The following MAP1B variants were observed in gnomAD, a reference collection of about 807,000 sequenced individuals.
The protein encoded by MAP1B is microtubule-associated protein 1B.
In MAP1B, 12 loss-of-function variants were observed where a neutral mutation model predicts 176.1. The observed-to-expected ratio is 0.07, with a 90% confidence interval of 0.04 to 0.11. The LOEUF is 0.11. MAP1B is among the 10% of genes least tolerant of loss of function. MAP1B has a pLI of 1.00. For missense variants in MAP1B, 2,523 were observed against 2,990.5 expected, an observed-to-expected ratio of 0.84 and a Z score of 3.65; for synonymous variants, 1,044 against 1,135.0, an observed-to-expected ratio of 0.92 and a Z score of 1.61.
chr5:72,154,301 A>G (rs1746192198), intron 2 of MAP1B, among the ~76,000 whole-genome samples: 1 of 152,232 alleles, frequency 6.6e-6, no homozygotes, highest in African/African-American at 2.4e-5. Flanking sequence ...AATGCCACAC[A>G]GACTGAGTGA....
At chr5:72,172,057 A>G (rs962273364) in intron 2 of MAP1B, among the ~76,000 whole-genome samples, 1 of 152,222 alleles carries the variant, frequency 6.6e-6, no homozygotes, top group Non-Finnish European at 1.5e-5. Flanking sequence ...CAAATCCTGT[A>G]ATGATATGAC....
At chr5:72,171,981 G>T (rs546755242) in intron 2 of MAP1B, among the ~76,000 whole-genome samples, 42 of 152,252 alleles carry the variant, frequency 2.8e-4, no homozygotes, top group African/African-American at 9.9e-4. Flanking sequence ...TGCAGTGGAG[G>T]AATAAACACA....
intron 2 of MAP1B, among the ~76,000 whole-genome samples, chr5:72,163,091 G>A (rs1746356776): frequency 6.6e-6 from 1 of 152,038 alleles, no homozygotes; most frequent in African/African-American, 2.4e-5. Flanking sequence ...AGCTGGGCAT[G>A]GTGGTGCGTG....
chr5:72,203,443 G>A, intron 5 of MAP1B, 120 bp from the exon 6 acceptor site: 1 of 748,206 alleles, frequency 1.3e-6, no homozygotes, highest in East Asian at 2.5e-5. Context: ...CACTTTGCAT[G>A]TCTCAGAGGA....
intron 2 of MAP1B, among the ~76,000 whole-genome samples, chr5:72,124,921 T>G (rs1247661655): frequency 6.6e-6 from 1 of 152,216 alleles, no homozygotes; most frequent in Non-Finnish European, 1.5e-5. Context: ...TATCCATCAA[T>G]GGGAATGTCA....
intron 4 of MAP1B, among the ~76,000 whole-genome samples, chr5:72,191,539 T>C (rs1453598622): frequency 1.3e-5 from 2 of 152,244 alleles, no homozygotes; most frequent in African/African-American, 4.8e-5. Flanking sequence ...CTTCATTCTG[T>C]TGTGTAGTTC....
chr5:72,196,123 T>C lies in MAP1B; in HGVS notation c.2768T>C (p.Ile923Thr), dbSNP rs143194383. 2.4e-3 allele frequency: 3,950 copies of C among 1,613,502 alleles called. 10 individuals are homozygous for C. The highest frequency in any genetic ancestry group is 2.9e-3 in the Non-Finnish European group (3,420 of 1,179,878). ...GTCGAGAAGCAGGGAGTAGACGACA[T>C]TGAAAAATTTGAAGATGAAGGAGCC... is the stretch of plus-strand genomic sequence containing the variant. The part of the protein sequence containing the change: ...EPVEKQGVDD[I>T]EKFEDEGAGF... Residue 923 changes from isoleucine (I) to threonine (T), a missense_variant, in exon 5 of 7, where the codon ATT (isoleucine) becomes ACT (threonine). Physicochemically the swap from Ile to Thr is moderately conservative, Grantham distance 89. This residue lies in a region of MAP1B where 1,925 missense variants were observed against 2,126.0 expected (regional missense o/e 0.91). Coordinates refer to ENST00000296755, the MANE Select transcript of MAP1B (RefSeq NM_005909.5). The surrounding 1 kb of genome is among the most constrained non-coding windows in gnomAD (Gnocchi z 5.3).
At chr5:72,183,601 T>A (rs1333394591) in intron 2 of MAP1B, 142 bp from the exon 3 acceptor site, 1 of 626,834 alleles carries the variant, frequency 1.6e-6, no homozygotes, top group African/African-American at 1.8e-5. Context: ...CCAATTGTGT[T>A]TCCCAAGATG....
At chr5:72,179,817 C>T (rs1746729638) in intron 2 of MAP1B, 1 of 985,372 alleles carries the variant, frequency 1.0e-6, no homozygotes, top group South Asian at 4.7e-5. Flanking sequence ...TGTGCCATTC[C>T]TCTCAATATT....
chr5:72,145,928 G>A (rs900982455), intron 2 of MAP1B, among the ~76,000 whole-genome samples: 1 of 152,202 alleles, frequency 6.6e-6, no homozygotes, highest in African/African-American at 2.4e-5. Flanking sequence ...GAGGAGTGAA[G>A]TAAGACCCAG....
rs1243136669 is a variant in MAP1B, at chr5:72,195,777, G to A, written c.2422G>A (p.Val808Ile). The A allele has an allele frequency of 5.0e-6, 8 of 1,614,234 alleles. No individual in the cohort carries two copies. Among genetic ancestry groups the A allele is most frequent in the Non-Finnish European group, 5.9e-6 (7 of 1,180,026 alleles). The change falls in exon 5 of 7, where the codon GTC becomes ATC. Residue 808 changes from valine to isoleucine, a missense_variant. By Grantham distance (29) the Val-to-Ile change is conservative (BLOSUM62 3). Around this residue, in one of 4 missense-constraint regions of MAP1B, gnomAD observed 1,925 missense variants for 2,126.0 expected, o/e 0.91. Transcript: ENST00000296755. ...AVGTGATTAA[V>I]MAAAGIAAIG... ...CGGCACTGGAGCCACCACAGCAGCT[G>A]TCATGGCGGCAGCTGGAATAGCAGC...
chr5:72,153,710 G>A (rs1746183152), intron 2 of MAP1B, among the ~76,000 whole-genome samples: 1 of 151,958 alleles, frequency 6.6e-6, no homozygotes, highest in Non-Finnish European at 1.5e-5. Context: ...TTCCCCTTCT[G>A]TTAGTCTTCA....
intron 5 of MAP1B, among the ~76,000 whole-genome samples, chr5:72,203,043 CA>C (rs1196340059): frequency 1.3e-5 from 2 of 152,140 alleles, no homozygotes; most frequent in African/African-American, 2.4e-5. Flanking sequence ...GGGTTAAGAT[CA>C]AAACTATTTG....
At chr5:72,108,650 TG>T in intron 1 of MAP1B, among the ~76,000 whole-genome samples, 1 of 152,084 alleles carries the variant, frequency 6.6e-6, no homozygotes, top group South Asian at 2.1e-4. Flanking sequence ...CCACCCGAGC[TG>T]CCGCAGTGCC....
intron 4 of MAP1B, among the ~76,000 whole-genome samples, chr5:72,187,239 G>A (rs781702170): frequency 8.5e-5 from 13 of 152,182 alleles, no homozygotes; most frequent in African/African-American, 1.4e-4. Flanking sequence ...AAGGAGCCAC[G>A]TAGGAAAATG....
At position 72,196,046 on chromosome 5, in the gene MAP1B, T is replaced by C; in HGVS notation, c.2691T>C (p.Thr897=). Residue 897 remains threonine, a synonymous_variant, in exon 5 of 7, where the codon ACT becomes ACC. Coordinates refer to ENST00000296755, the MANE Select transcript of MAP1B (RefSeq NM_005909.5). This position sits in a 1 kb window ranked among gnomAD's most constrained non-coding sequence, Gnocchi z 5.3. ...GPAESPDEGI[T]TTEGEGECEQ... is the part of the protein sequence containing the mutation. Reference sequence around the variant, plus strand: ...CCGAGTCCCCTGATGAGGGAATCACTACCACTGAAGGGGAGGGCGAATGTG... The same window carrying C: ...CCGAGTCCCCTGATGAGGGAATCACCACCACTGAAGGGGAGGGCGAATGTG... 6.2e-7 allele frequency: 1 copy of C among 1,614,134 alleles called. No homozygotes were observed. Among genetic ancestry groups the C allele is most frequent in the Non-Finnish European group, 8.5e-7 (1 of 1,180,024 alleles).
At position 72,205,061 on chromosome 5, in the gene MAP1B, A is replaced by AT. The variant is rs763152671; in HGVS notation, c.7252-13dup. On this transcript the variant is annotated intron_variant, in intron 6 of 6. Coordinates refer to ENST00000296755, the MANE Select transcript of MAP1B (RefSeq NM_005909.5). Reference sequence around the variant, plus strand: ...TTTCTGTTTCTGCCCTTAAATAGCTATTTTTTTTTTCTCTCCCTGCAGGTG... The same window carrying AT: ...TTTCTGTTTCTGCCCTTAAATAGCTATTTTTTTTTTTCTCTCCCTGCAGGTG... 4,684 of 1,408,442 alleles carry AT rather than the reference A, an allele frequency of 3.3e-3. 3 individuals carry two copies. The highest frequency in any genetic ancestry group is 0.01 in the African/African-American group (692 of 68,662). 87.2% of individuals were successfully genotyped at this position (1,408,442 alleles called of 1,614,324 possible).
chr5:72,206,481 G>A lies in MAP1B; in HGVS notation c.*1242G>A, dbSNP rs1747452036. ...CTATGATCAGAACTGGGAAAACAGT[G>A]AATCTTATGGTGGAAGAGGTTCTCA... is the stretch of plus-strand genomic sequence containing the variant. On this transcript the variant is annotated 3_prime_UTR_variant, in exon 7 of 7. Transcript: ENST00000296755. The A allele has an allele frequency of 6.6e-6, 1 of 152,604 alleles. No individual in the cohort carries two copies. Among genetic ancestry groups the A allele is most frequent in the Admixed American group, 6.5e-5 (1 of 15,272 alleles). 9.5% of individuals were successfully genotyped at this position (152,604 alleles called of 1,614,324 possible). A position where few individuals can be genotyped will look rare whatever the true frequency, so the allele number is the denominator to read the frequency against.
intron 4 of MAP1B, chr5:72,193,297 A>G: frequency 2.3e-6 from 1 of 428,268 alleles, no homozygotes; most frequent in Non-Finnish European, 4.6e-6. Context: ...GGAGGCCACA[A>G]CAAGTGCCCT....
Sources: gnomAD v4.1 joint callset for allele counts (sites outside exome capture counted in the v4.1 genomes callset) on GRCh38, gnomAD v4.1.1 for gene constraint, gnomAD v4.1.1 regional missense constraint, Gnocchi (gnomAD v3.1) non-coding constraint, MANE v1.5 for transcripts, NCBI Gene and HGNC (gene_info 2026-07-23, HGNC 2026-07-21) for gene names.